Variants in MICAL1 observed in about 807,000 individuals in gnomAD.
MICAL1 encodes the protein [F-actin]-monooxygenase MICAL1.
Under a neutral mutation model 131.8 loss-of-function variants are expected in MICAL1, and 95 were observed. The observed-to-expected ratio is 0.72, with a 90% CI of 0.61 to 0.86. The LOEUF (loss-of-function observed/expected upper bound fraction) is 0.86, where lower values mean the gene tolerates loss of function less well. Among genes scored for constraint, MICAL1 ranks in the 40% least tolerant of loss-of-function variants. The probability of loss-of-function intolerance (pLI) is 0.00; values close to 1 mark genes in which losing one functional copy is unlikely to be tolerated. For synonymous variants in MICAL1, 546 were observed against 554.2 expected (o/e 0.99, Z 0.21); for missense variants, 1,292 against 1,380.6 (o/e 0.94, Z 1.02).
chr6:109,455,718 C>A lies in MICAL1; in HGVS notation c.-44+1G>T, dbSNP rs1442571399. ...GCAGCCGGCTCCGCTGGACGACTTA[C>A]CGGCGGCTCCGAAGCCGGGAGGGGC... On this transcript the variant is annotated splice_donor_variant, in intron 1 of 24. Transcript: ENST00000358807. LOFTEE classifies it low-confidence loss of function (5UTR_SPLICE). This position sits in a 1 kb window ranked among gnomAD's most constrained non-coding sequence, Gnocchi z 4.7. 1 of 980,694 alleles carries A rather than the reference C, an allele frequency of 1.0e-6. No individual in the cohort carries two copies. Among genetic ancestry groups the A allele is most frequent in the Non-Finnish European group, 1.2e-6 (1 of 828,816 alleles). The allele number at this position is 980,694 out of a possible 1,614,324, so 60.7% of individuals were successfully genotyped here. A position where few individuals can be genotyped will look rare whatever the true frequency, so the allele number is the denominator to read the frequency against.
intron 9 of MICAL1, 40 bp downstream of exon 9, chr6:109,449,930 T>G: frequency 6.2e-7 from 1 of 1,606,646 alleles, no homozygotes. Context: ...CCTTGTCACA[T>G]GTCCTGCCCT....
Position 109,449,674 on chromosome 6 carries a change from C to A in MICAL1, c.1417G>T (p.Ala473Ser). ...GGTCTGACCTGATTGGGGGTCACTG[C>A]CCGGAGGTTCAGGTTGGGGTAGCGG... The part of the protein sequence containing the change: ...ATRYPNLNLR[A>S]VTPNQVRDLY... Residue 473 changes from alanine to serine, a missense_variant, in exon 10 of 25, where the codon GCA (alanine) becomes TCA (serine). Physicochemically the swap from Ala to Ser is moderately conservative, Grantham distance 99. Transcript: ENST00000358807. 2 of 1,582,346 alleles carry A rather than the reference C, an allele frequency of 1.3e-6. No individual in the cohort carries two copies. Among genetic ancestry groups the A allele is most frequent in the Admixed American group, 3.5e-5 (2 of 57,140 alleles).
chr6:109,445,370 T>G (rs552760981), intron 21 of MICAL1, 46 bp downstream of exon 21: 2 of 1,613,348 alleles, frequency 1.2e-6, no homozygotes, highest in African/African-American at 1.3e-5. Flanking sequence ...GATCTCAGTC[T>G]CAGAACTTTG....
At chr6:109,445,031 G>GCTTC in intron 22 of MICAL1, 36 bp from the exon 23 acceptor site, 1 of 1,606,274 alleles carries the variant, frequency 6.2e-7, no homozygotes, top group Non-Finnish European at 8.5e-7. Flanking sequence ...TGATCAGGAG[G>GCTTC]CTTCCAGCCA....
intron 11 of MICAL1, 27 bp downstream of exon 11, chr6:109,449,373 C>A: frequency 6.2e-7 from 1 of 1,613,872 alleles, no homozygotes; most frequent in South Asian, 1.1e-5. Flanking sequence ...ATATTTTGGT[C>A]ACCCCTTGGG....
chr6:109,465,002 T>C, intron 1 of MICAL1: 1 of 152,400 alleles, frequency 6.6e-6, no homozygotes. Flanking sequence ...TGTTCCAGAA[T>C]AGTGAAGAAA....
intron 20 of MICAL1, 23 bp downstream of exon 20, chr6:109,445,748 T>A: frequency 6.2e-7 from 1 of 1,602,216 alleles, no homozygotes; most frequent in Non-Finnish European, 8.5e-7. Flanking sequence ...GAGCGTTTTG[T>A]GGCTGCACGC....
intron 15 of MICAL1, 46 bp downstream of exon 15, chr6:109,447,635 G>C (rs1275965041): frequency 6.2e-7 from 1 of 1,612,210 alleles, no homozygotes; most frequent in East Asian, 2.2e-5. Context: ...CAGGAAAGGG[G>C]ATAAAATGTG....
In MICAL1 at chr6:109,445,568, C is replaced by T. The variant is rs763286245; in HGVS notation, c.2674-39G>A. ...AGGCCAGTCAGGGATAGGGCCTGGG[C>T]CCCCTGGTGGATAGGAGTGTTGTTT... On this transcript the variant is annotated intron_variant, in intron 20 of 24. Transcript: ENST00000358807. 6 of 1,604,694 alleles carry T rather than the reference C, an allele frequency of 3.7e-6. No homozygotes were observed. The Admixed American group carries it at 6.7e-5, about 18-fold the overall frequency.
intron 4 of MICAL1, 41 bp from the exon 5 acceptor site, chr6:109,452,656 G>C: frequency 6.7e-7 from 1 of 1,500,938 alleles, no homozygotes. Flanking sequence ...TGTAGAAGTC[G>C]TAAGAGCCCC....
In MICAL1 at chr6:109,452,412, CGGTA is replaced by C; in HGVS notation, c.677-15_677-12del. On this transcript the variant is annotated splice_polypyrimidine_tract_variant and intron_variant, in intron 5 of 24. Coordinates refer to ENST00000358807, the MANE Select transcript of MICAL1 (RefSeq NM_022765.4). ...CTCGAACTTTGAAGCCTAGAGGTGGCGGTAGGTGAACAATGGCAGGAGGAGGGGG... is the reference window on the plus strand; with the variant it reads ...CTCGAACTTTGAAGCCTAGAGGTGGCGGTGAACAATGGCAGGAGGAGGGGG... 1 of 1,613,078 alleles carries C rather than the reference CGGTA, an allele frequency of 6.2e-7. No individual in the cohort carries two copies. The highest frequency in any genetic ancestry group is 8.5e-7 in the Non-Finnish European group (1 of 1,179,290).
Position 109,446,226 on chromosome 6 carries a change from G to T in MICAL1, c.2491C>A (p.Pro831Thr), listed in dbSNP as rs767346325. Residue 831 changes from proline to threonine, a missense_variant, in exon 19 of 25, where the codon CCC (proline) becomes ACC (threonine). Physicochemically the swap from Pro to Thr is conservative, Grantham distance 38. Coordinates refer to ENST00000358807, the MANE Select transcript of MICAL1 (RefSeq NM_022765.4). The part of the protein sequence containing the change: ...LTPDPEMEPP[P>T]KPPRSCSALA... ...GCGGAGCAGCTGCGGGGAGGCTTGG[G>T]TGGAGGCTCCATTTCCGGGTCAGGG... 1.4e-5 allele frequency: 23 copies of T among 1,606,590 alleles called. No homozygotes were observed. Among genetic ancestry groups the T allele is most frequent in the Non-Finnish European group, 1.9e-5 (22 of 1,176,940 alleles).
At position 109,448,130 on chromosome 6, in the gene MICAL1, C is replaced by T. The variant is rs1775327328; in HGVS notation, c.1855+73G>A. ...CACACACACACACCGCCTTCTCCCT[C>T]TGTCACACACACACACACACACACA... On this transcript the variant is annotated intron_variant, in intron 13 of 24. Transcript: ENST00000358807. 4 of 1,282,764 alleles carry T rather than the reference C, an allele frequency of 3.1e-6. No individual in the cohort carries two copies. In the African/African-American group the frequency reaches 8.5e-5, roughly 27 times the overall value. 79.5% of individuals were successfully genotyped at this position (1,282,764 alleles called of 1,614,324 possible).
intron 7 of MICAL1, 98 bp from the exon 8 acceptor site, chr6:109,450,655 C>A: frequency 7.2e-7 from 1 of 1,384,026 alleles, no homozygotes; most frequent in Non-Finnish European, 9.6e-7. Flanking sequence ...ATCCTGGGGC[C>A]CAGAGAAGGA....
chr6:109,463,342 T>G (rs1352266107), intron 1 of MICAL1: 1 of 152,180 alleles, frequency 6.6e-6, no homozygotes, highest in Non-Finnish European at 1.5e-5. Flanking sequence ...AGAAAGAGGC[T>G]AGATTAACAA....
upstream of MICAL1, among the ~76,000 whole-genome samples, chr6:109,460,400 G>C (rs568607007): frequency 1.4e-4 from 20 of 145,248 alleles, no homozygotes; most frequent in East Asian, 3.4e-3. Context: ...CTGCACTTCA[G>C]CCTGTGACAG....
upstream of MICAL1, among the ~76,000 whole-genome samples, chr6:109,457,578 C>T (rs1582659262): frequency 6.6e-6 from 1 of 150,414 alleles, no homozygotes; most frequent in East Asian, 1.9e-4. Flanking sequence ...GATCCCGAGA[C>T]AGTCCCTGGC....
intron 8 of MICAL1, 63 bp downstream of exon 8, chr6:109,450,234 CCCT>C: frequency 1.9e-6 from 3 of 1,571,556 alleles, no homozygotes; most frequent in Non-Finnish European, 2.6e-6. Context: ...CCTTTTTATC[CCCT>C]CCTCCATACT....
At chr6:109,447,518 G>C in intron 15 of MICAL1, 78 bp from the exon 16 acceptor site, 1 of 1,532,656 alleles carries the variant, frequency 6.5e-7, no homozygotes, top group Non-Finnish European at 9.0e-7. Flanking sequence ...ATGAACACAA[G>C]GGGCTGAAGG....
Sources: allele counts gnomAD v4.1 joint callset (sites outside exome capture counted in the v4.1 genomes callset), GRCh38; gene constraint gnomAD v4.1.1; non-coding constraint Gnocchi (gnomAD v3.1); transcripts MANE v1.5; gene names NCBI Gene and HGNC (gene_info 2026-07-23, HGNC 2026-07-21).